NRG3: variants seen among roughly 807,000 people sequenced by gnomAD.
NRG3 encodes the protein neuregulin 3.
NRG3 carries 31 observed loss-of-function variants against 66.9 expected under a neutral mutation model. That is an observed-to-expected ratio of 0.46 (90% confidence interval 0.35 to 0.63). The LOEUF (loss-of-function observed/expected upper bound fraction) is 0.63, where lower values mean the gene tolerates loss of function less well. NRG3 is among the 20% of genes least tolerant of loss of function. The pLI, the probability that NRG3 is intolerant of heterozygous loss-of-function variation, is 0.00. For missense variants in NRG3, 910 were observed against 878.9 expected, an observed-to-expected ratio of 1.04 and a Z score of -0.45; for synonymous variants, 393 against 359.4, an observed-to-expected ratio of 1.09 and a Z score of -1.06.
chr10:82,978,127 G>A (rs929563055), intron 7 of NRG3, among the ~76,000 whole-genome samples: 2 of 152,150 alleles, frequency 1.3e-5, no homozygotes, highest in Admixed American at 1.3e-4. Flanking sequence ...CCAGTCTACA[G>A]TAGGGTCAAT....
At chr10:82,616,894 T>G (rs2048688532) in intron 2 of NRG3, among the ~76,000 whole-genome samples, 1 of 152,210 alleles carries the variant, frequency 6.6e-6, no homozygotes, top group African/African-American at 2.4e-5. Flanking sequence ...TTTCTCAACC[T>G]ATGTCAGTGT....
chr10:82,911,582 A>G (rs983575516), intron 4 of NRG3, among the ~76,000 whole-genome samples: 1 of 151,610 alleles, frequency 6.6e-6, no homozygotes, highest in Non-Finnish European at 1.5e-5. Flanking sequence ...ATCAGTAGCA[A>G]TGATCCTTCT....
intron 1 of NRG3, among the ~76,000 whole-genome samples, chr10:81,926,319 A>C (rs963750702): frequency 1.3e-5 from 2 of 151,786 alleles, no homozygotes; most frequent in Admixed American, 6.6e-5. Flanking sequence ...ACAGGTTTTC[A>C]CCATTTGGTC....
intron 2 of NRG3, among the ~76,000 whole-genome samples, chr10:82,421,164 C>G (rs2089037248): frequency 6.6e-6 from 1 of 152,096 alleles, no homozygotes; most frequent in Non-Finnish European, 1.5e-5. Flanking sequence ...TGAACCTTCA[C>G]TAGGCAAATA....
chr10:82,697,400 T>C (rs1163060836), intron 2 of NRG3, among the ~76,000 whole-genome samples: 1 of 152,158 alleles, frequency 6.6e-6, no homozygotes, highest in Non-Finnish European at 1.5e-5. Context: ...CCCAAGGTGA[T>C]CTCTGGATTT....
chr10:82,647,123 T>G (rs2051001126), intron 2 of NRG3, among the ~76,000 whole-genome samples: 1 of 152,074 alleles, frequency 6.6e-6, no homozygotes. Flanking sequence ...CATTTAGCAT[T>G]AGATATATCT....
intron 2 of NRG3, among the ~76,000 whole-genome samples, chr10:82,541,633 C>A (rs1356531253): frequency 6.6e-6 from 1 of 152,118 alleles, no homozygotes; most frequent in Admixed American, 6.5e-5. Context: ...GGTCAGGGGT[C>A]CATCTTTAAC....
chr10:82,543,847 T>A (rs1281980763), intron 2 of NRG3, among the ~76,000 whole-genome samples: 2 of 152,212 alleles, frequency 1.3e-5, no homozygotes, highest in Non-Finnish European at 2.9e-5. Flanking sequence ...CATGGTAACT[T>A]CATCTGGCTT....
chr10:82,479,677 A>G (rs1001622305), intron 2 of NRG3, among the ~76,000 whole-genome samples: 1 of 150,556 alleles, frequency 6.6e-6, no homozygotes, highest in African/African-American at 2.4e-5. Context: ...AAAAAAAAAA[A>G]AAAAAAAAAG....
intron 2 of NRG3, among the ~76,000 whole-genome samples, chr10:82,727,041 G>A (rs373078057): frequency 3.3e-5 from 5 of 152,096 alleles, no homozygotes; most frequent in African/African-American, 1.2e-4. Flanking sequence ...GGTATCTGGT[G>A]GAAGAAATTT....
chr10:82,462,652 G>A (rs988156594), intron 2 of NRG3, among the ~76,000 whole-genome samples: 1 of 152,122 alleles, frequency 6.6e-6, no homozygotes, highest in Non-Finnish European at 1.5e-5. Context: ...CTCACTGGAG[G>A]ATGCGGGGAC....
chr10:82,532,461 A>C (rs1847354343), intron 2 of NRG3, among the ~76,000 whole-genome samples: 1 of 148,816 alleles, frequency 6.7e-6, no homozygotes, highest in Non-Finnish European at 1.5e-5. Flanking sequence ...TTACTATACA[A>C]TGGATTACTA....
chr10:82,321,184 C>A (rs2081549301), intron 1 of NRG3, among the ~76,000 whole-genome samples: 1 of 152,106 alleles, frequency 6.6e-6, no homozygotes, highest in South Asian at 2.1e-4. Flanking sequence ...GGGCTGGAGC[C>A]CAAAAGCATT....
chr10:82,950,274 G>T (rs187502404), intron 4 of NRG3, among the ~76,000 whole-genome samples: 174 of 152,264 alleles, frequency 1.1e-3, no homozygotes, highest in African/African-American at 3.9e-3. Context: ...TAAATAGTGG[G>T]AAATTTCCTC....
At chr10:81,930,687 T>G (rs1439175657) in intron 1 of NRG3, among the ~76,000 whole-genome samples, 1 of 152,054 alleles carries the variant, frequency 6.6e-6, no homozygotes, top group African/African-American at 2.4e-5. Context: ...CGAGGAAAAG[T>G]GACAGGTGGG....
chr10:82,602,042 C>T lies in NRG3; in HGVS notation c.954-136535C>T, dbSNP rs544279696. ...AAGCTGCAGTGAGCTATGATCATGC[C>T]ACTGCACTCCAGTATGGGTGACAGA... On this transcript the variant is annotated intron_variant, in intron 2 of 8. Coordinates refer to ENST00000372141, the MANE Select transcript of NRG3 (RefSeq NM_001010848.4). 2.6e-5 allele frequency among the ~76,000 whole-genome samples: 4 copies of T among 151,068 alleles called. No individual in the cohort carries two copies. In the South Asian group the frequency reaches 8.4e-4, roughly 32 times the overall value.
intron 1 of NRG3, among the ~76,000 whole-genome samples, chr10:81,884,184 A>G (rs1004708642): frequency 1.3e-5 from 2 of 152,196 alleles, no homozygotes; most frequent in Non-Finnish European, 2.9e-5. Context: ...TTACTTACCT[A>G]ATTCACTGTT....
At chr10:82,294,314 T>C (rs1395408210) in intron 1 of NRG3, among the ~76,000 whole-genome samples, 1 of 152,220 alleles carries the variant, frequency 6.6e-6, no homozygotes, top group African/African-American at 2.4e-5. Flanking sequence ...AGCATTTTAG[T>C]TATAAATGGA....
chr10:82,358,642 G>A (rs2083927978), intron 1 of NRG3, 97 bp from the exon 2 acceptor site: 1 of 1,545,996 alleles, frequency 6.5e-7, no homozygotes, highest in African/African-American at 1.4e-5. Context: ...CAGAGCCCAT[G>A]AGAAGGCCTC....
Sources: gnomAD v4.1 joint callset for allele counts (sites outside exome capture counted in the v4.1 genomes callset) on GRCh38, gnomAD v4.1.1 for gene constraint, MANE v1.5 for transcripts, NCBI Gene and HGNC (gene_info 2026-07-23, HGNC 2026-07-21) for gene names.